Variants in INTS14 observed in about 807,000 individuals in gnomAD.
The protein encoded by INTS14 is integrator complex subunit 14.
In INTS14, 27 loss-of-function variants were observed where a neutral mutation model predicts 56.9. The observed-to-expected ratio is 0.47, with a 90% CI of 0.35 to 0.65. The LOEUF is 0.65. INTS14 is among the 30% of genes least tolerant of loss of function. INTS14 has a pLI of 0.00. For synonymous variants in INTS14, 207 were observed against 236.2 expected (o/e 0.88, Z 1.13); for missense variants, 517 against 632.2 (o/e 0.82, Z 1.95).
Position 65,598,667 on chromosome 15 carries a change from G to A in INTS14, c.606-204C>T, listed in dbSNP as rs536060233. ...GAGCAAGTTAATTTGAAATTTTGCT[G>A]AGTCATTATAAGGAAGTCAGTATCT... On this transcript the variant is annotated intron_variant, in intron 5 of 11. Transcript: ENST00000313182. The A allele has an allele frequency of 4.3e-4, 311 of 724,322 alleles. 1 individual carries two copies. The African/African-American group carries it at 4.8e-3, about 11-fold the overall frequency. The allele number at this position is 724,322 out of a possible 1,614,324, so 44.9% of individuals were successfully genotyped here. A position where few individuals can be genotyped will look rare whatever the true frequency, so the allele number is the denominator to read the frequency against.
chr15:65,603,668 G>A (rs143980217), intron 3 of INTS14, among the ~76,000 whole-genome samples: 1 of 151,648 alleles, frequency 6.6e-6, no homozygotes, highest in African/African-American at 2.4e-5. Context: ...TGACATTACT[G>A]AGGAATCCTT....
intron 7 of INTS14, among the ~76,000 whole-genome samples, 176 bp downstream of exon 7, chr15:65,595,557 A>G (rs1410129213): frequency 1.3e-5 from 2 of 152,246 alleles, no homozygotes; most frequent in East Asian, 3.8e-4. Context: ...TGTTTCTACC[A>G]TGTAAAGCAG....
rs199902660 is a variant in INTS14, at chr15:65,605,230, G to C, written c.229C>G (p.Leu77Val). Residue 77 changes from leucine (L) to valine (V), a missense_variant, in exon 3 of 12, where the codon CTA (leucine) becomes GTA (valine). Leu to Val is a conservative substitution (Grantham distance 32, BLOSUM62 1). Coordinates refer to ENST00000313182, the MANE Select transcript of INTS14 (RefSeq NM_001394796.1). ...TTGTCATAATCATCCATATTACTTAGTGCTTCCTTATTGAATAAAAGATAA... is the reference window on the plus strand; with the variant it reads ...TTGTCATAATCATCCATATTACTTACTGCTTCCTTATTGAATAAAAGATAA... ...TRDYNTLQEA[L>V]SNMDDYDKTC... 2.9e-4 allele frequency: 463 copies of C among 1,611,450 alleles called. 1 individual carries two copies. The highest frequency in any genetic ancestry group is 3.6e-4 in the Non-Finnish European group (429 of 1,177,886).
At position 65,579,332 on chromosome 15, in the gene INTS14, G is replaced by A; in HGVS notation, c.*76C>T. On this transcript the variant is annotated 3_prime_UTR_variant, in exon 12 of 12. Coordinates refer to ENST00000313182, the MANE Select transcript of INTS14 (RefSeq NM_001394796.1). Reference sequence around the variant, plus strand: ...GTCTTTGGGTGGCTATTCTAGAGGTGAACATACTGGAAAGGTTTTTACCTA... The same window carrying A: ...GTCTTTGGGTGGCTATTCTAGAGGTAAACATACTGGAAAGGTTTTTACCTA... 1.9e-6 allele frequency: 3 copies of A among 1,556,596 alleles called. No individual in the cohort carries two copies. The highest frequency in any genetic ancestry group is 3.5e-4 in the Middle Eastern group (2 of 5,772).
chr15:65,598,839 A>T (rs1477875677), intron 5 of INTS14, 33 bp downstream of exon 5: 1 of 1,504,838 alleles, frequency 6.6e-7, no homozygotes, highest in Non-Finnish European at 9.2e-7. Context: ...CTGGATTGTA[A>T]AGAAGGCAAA....
intron 1 of INTS14, among the ~76,000 whole-genome samples, chr15:65,609,174 C>T (rs1181010701): frequency 1.3e-5 from 2 of 152,106 alleles, no homozygotes; most frequent in South Asian, 2.1e-4. Flanking sequence ...AGGCTGGTCT[C>T]GAACTTCTGA....
In INTS14 at chr15:65,599,890, C is replaced by T. The variant is rs1384668497; in HGVS notation, c.370G>A (p.Gly124Arg). Residue 124 changes from glycine to arginine, a missense_variant, in exon 4 of 12, where the codon GGG (glycine) becomes AGG (arginine). Transcript: ENST00000313182. Reference sequence around the variant, plus strand: ...GTGGCTAGGGAATGTCGCAGTGACCCTCTACCAATGCCAAGACAGCCGTCT... The same window carrying T: ...GTGGCTAGGGAATGTCGCAGTGACCTTCTACCAATGCCAAGACAGCCGTCT... The part of the protein sequence containing the change: ...VTDGCLGIGR[G>R]SLRHSLATQN... 2.5e-6 allele frequency: 4 copies of T among 1,613,998 alleles called. No individual in the cohort carries two copies. The highest frequency in any genetic ancestry group is 2.5e-6 in the Non-Finnish European group (3 of 1,179,920).
chr15:65,601,077 T>G (rs2073416869), intron 3 of INTS14, among the ~76,000 whole-genome samples: 1 of 152,212 alleles, frequency 6.6e-6, no homozygotes, highest in South Asian at 2.1e-4. Context: ...CTACGCCTGG[T>G]CAACTAAAAT....
intron 1 of INTS14, chr15:65,610,555 A>T: frequency 9.7e-7 from 1 of 1,025,654 alleles, no homozygotes; most frequent in Non-Finnish European, 1.4e-6. Flanking sequence ...TTTGGCCTTG[A>T]ATACCAAGTG....
chr15:65,605,950 A>G (rs1359166624), intron 2 of INTS14, among the ~76,000 whole-genome samples: 2 of 152,194 alleles, frequency 1.3e-5, no homozygotes, highest in Non-Finnish European at 2.9e-5. Context: ...AAAGCTTTTA[A>G]GTCACTTAAA....
rs749818850 is a variant in INTS14 at position 65,599,941 on chromosome 15, A to AAG, written c.331-14_331-13dup. On this transcript the variant is annotated splice_polypyrimidine_tract_variant and intron_variant, in intron 3 of 11. Transcript: ENST00000313182. ...GTCACCAGGACAACCTGTTTGTAAA[A>AAG]AGAGAGAGAGGAGGTTGTACATTAA... 15 of 1,609,282 alleles carry AAG rather than the reference A, an allele frequency of 9.3e-6. No homozygotes were observed. Among genetic ancestry groups the AAG allele is most frequent in the Non-Finnish European group, 1.2e-5 (14 of 1,177,850 alleles).
intron 1 of INTS14, among the ~76,000 whole-genome samples, chr15:65,608,933 T>C (rs1304335599): frequency 6.6e-6 from 1 of 152,224 alleles, no homozygotes; most frequent in East Asian, 1.9e-4. Flanking sequence ...TTGCGACATC[T>C]GTCGCCCAGG....
At chr15:65,591,759 A>G in intron 8 of INTS14, 28 bp from the exon 9 acceptor site, 3 of 1,611,998 alleles carry the variant, frequency 1.9e-6, no homozygotes, top group Non-Finnish European at 2.5e-6. Flanking sequence ...GGAAGATCAG[A>G]AGAACATCAA....
intron 4 of INTS14, 72 bp downstream of exon 4, chr15:65,599,702 G>T: frequency 6.7e-7 from 1 of 1,500,234 alleles, no homozygotes; most frequent in Non-Finnish European, 9.1e-7. Context: ...TAGCACTAGT[G>T]GTATATACTG....
chr15:65,592,404 G>A (rs2073061924), intron 8 of INTS14, among the ~76,000 whole-genome samples: 1 of 152,174 alleles, frequency 6.6e-6, no homozygotes, highest in Admixed American at 6.5e-5. Flanking sequence ...CTAAAAATAT[G>A]TATTATAGAA....
rs575367831 is a variant in INTS14 at position 65,610,900 on chromosome 15, G to A, written c.-63+198C>T. ...GAAATCGTGCAGTTTACGCGGAGCT[G>A]GGGACCCCGAGCCTCAGAGCGAGGG... On this transcript the variant is annotated intron_variant, in intron 1 of 11. Transcript: ENST00000313182. 5 of 1,476,924 alleles carry A rather than the reference G, an allele frequency of 3.4e-6. No individual in the cohort carries two copies. The East Asian group carries it at 9.9e-5, about 29-fold the overall frequency. The allele number at this position is 1,476,924 out of a possible 1,614,324, so 91.5% of individuals were successfully genotyped here. A position where few individuals can be genotyped will look rare whatever the true frequency, so the allele number is the denominator to read the frequency against.
chr15:65,596,415 TA>T, intron 6 of INTS14, among the ~76,000 whole-genome samples: 1 of 152,090 alleles, frequency 6.6e-6, no homozygotes, highest in Non-Finnish European at 1.5e-5. Flanking sequence ...TTAAAAACAA[TA>T]AAAATTATAA....
chr15:65,584,683 A>G (rs1596235207), intron 10 of INTS14, 87 bp downstream of exon 10: 2 of 1,155,718 alleles, frequency 1.7e-6, no homozygotes, highest in Admixed American at 4.4e-5. Flanking sequence ...CTAAGTATCA[A>G]AGGAAAAGAA....
intron 3 of INTS14, among the ~76,000 whole-genome samples, chr15:65,604,360 G>C (rs1202871069): frequency 6.6e-6 from 1 of 152,120 alleles, no homozygotes; most frequent in Non-Finnish European, 1.5e-5. Flanking sequence ...GGGATTATAG[G>C]CATGAGCCAC....
Sources: gnomAD v4.1 joint callset for allele counts (sites outside exome capture counted in the v4.1 genomes callset) on GRCh38, gnomAD v4.1.1 for gene constraint, MANE v1.5 for transcripts, NCBI Gene and HGNC (gene_info 2026-07-23, HGNC 2026-07-21) for gene names.